Variants in FTO observed in about 807,000 individuals in gnomAD.
FTO encodes alpha-ketoglutarate-dependent dioxygenase FTO.
Under a neutral mutation model 63.9 loss-of-function variants are expected in FTO, and 47 were observed. That is an observed-to-expected ratio of 0.74 (90% CI 0.58 to 0.94). The LOEUF (loss-of-function observed/expected upper bound fraction) is 0.94, where lower values mean the gene tolerates loss of function less well. Among genes scored for constraint, FTO ranks in the 40% least tolerant of loss-of-function variants. The pLI is 0.00. For missense variants in FTO, 562 were observed against 618.1 expected, an observed-to-expected ratio of 0.91 and a Z score of 0.96; for synonymous variants, 207 against 224.4, an observed-to-expected ratio of 0.92 and a Z score of 0.69.
chr16:53,901,323 G>A (rs1037619701), intron 7 of FTO, among the ~76,000 whole-genome samples: 52 of 152,164 alleles, frequency 3.4e-4, no homozygotes, highest in Non-Finnish European at 7.2e-4. Flanking sequence ...TCTCTTCCTT[G>A]TTAGGAACCC....
chr16:54,000,643 CTA>C (rs1267954956), intron 8 of FTO, among the ~76,000 whole-genome samples: 2 of 152,168 alleles, frequency 1.3e-5, no homozygotes, highest in African/African-American at 4.8e-5. Flanking sequence ...CAAGCTGAGA[CTA>C]TGTAAATTAA....
intron 8 of FTO, among the ~76,000 whole-genome samples, chr16:54,108,824 GC>G: frequency 6.6e-6 from 1 of 152,270 alleles, no homozygotes; most frequent in South Asian, 2.1e-4. Flanking sequence ...AAGACGTCAT[GC>G]CCCTGGAGAG....
At chr16:53,794,100 G>A (rs1235458827) in intron 1 of FTO, among the ~76,000 whole-genome samples, 1 of 152,154 alleles carries the variant, frequency 6.6e-6, no homozygotes, top group East Asian at 1.9e-4. Context: ...TGAAGAACTG[G>A]GTATTATTTG....
chr16:53,845,459 C>T (rs1459201451), intron 4 of FTO, among the ~76,000 whole-genome samples: 3 of 152,164 alleles, frequency 2.0e-5, no homozygotes, highest in African/African-American at 7.2e-5. Context: ...GCCATTCTGC[C>T]ACTAAGCATT....
intron 8 of FTO, among the ~76,000 whole-genome samples, chr16:54,035,697 C>T (rs1286644080): frequency 2.6e-5 from 4 of 152,140 alleles, no homozygotes; most frequent in Non-Finnish European, 5.9e-5. Context: ...CAGCCTCCTC[C>T]GCCACTTACG....
At chr16:53,920,033 A>G (rs1291817147) in intron 7 of FTO, among the ~76,000 whole-genome samples, 1 of 152,178 alleles carries the variant, frequency 6.6e-6, no homozygotes, top group Non-Finnish European at 1.5e-5. Flanking sequence ...GGAATAAAGA[A>G]AGGCTTCATT....
At chr16:53,793,548 T>C (rs1350327439) in intron 1 of FTO, among the ~76,000 whole-genome samples, 1 of 152,232 alleles carries the variant, frequency 6.6e-6, no homozygotes, top group Non-Finnish European at 1.5e-5. Context: ...CTATGAGTTA[T>C]AGTGAAAGGT....
intron 1 of FTO, among the ~76,000 whole-genome samples, chr16:53,788,077 T>C (rs953844893): frequency 6.6e-6 from 1 of 152,196 alleles, no homozygotes; most frequent in Admixed American, 6.5e-5. Flanking sequence ...AATGGGCTTG[T>C]CTGTCCCATC....
At chr16:53,878,066 A>T (rs1472977499) in intron 5 of FTO, among the ~76,000 whole-genome samples, 1 of 152,152 alleles carries the variant, frequency 6.6e-6, no homozygotes, top group African/African-American at 2.4e-5. Flanking sequence ...TGGGAGGCTG[A>T]GGGGGGTGGA....
intron 7 of FTO, among the ~76,000 whole-genome samples, chr16:53,904,589 G>A (rs1257534482): frequency 6.6e-6 from 1 of 152,176 alleles, no homozygotes; most frequent in Admixed American, 6.5e-5. Context: ...AGTTCCACAC[G>A]GGATGTAGGT....
At chr16:53,804,632 C>CTT (rs10602540) in intron 1 of FTO, among the ~76,000 whole-genome samples, 39,594 of 129,852 alleles carry the variant, frequency 0.3, 7,329 homozygotes, top group Non-Finnish European at 0.41. Context: ...TCTTATTGAT[C>CTT]TTTTTTTTTT....
intron 4 of FTO, among the ~76,000 whole-genome samples, chr16:53,856,368 TGGGGG>T (rs146333826): frequency 0.37 from 55,251 of 150,020 alleles, 13,091 homozygotes; most frequent in East Asian, 0.75. Context: ...TTTTTTTTTT[TGGGGG>T]GGGATATTTA....
At chr16:53,881,144 A>AATAAATAAATAAATAAATAAATAC (rs2080819514) in intron 6 of FTO, among the ~76,000 whole-genome samples, 1 of 150,850 alleles carries the variant, frequency 6.6e-6, no homozygotes, top group African/African-American at 2.4e-5. Context: ...TAAATAAATA[A>AATAAATAAATAAATAAATAAATAC]ATAAATAAAA....
chr16:53,710,766 C>T (rs1338739882), intron 1 of FTO, among the ~76,000 whole-genome samples: 1 of 152,150 alleles, frequency 6.6e-6, no homozygotes, highest in Admixed American at 6.5e-5. Flanking sequence ...TCTTGAAAAA[C>T]TTAAGTATCT....
intron 1 of FTO, among the ~76,000 whole-genome samples, chr16:53,775,247 A>C (rs2077434238): frequency 1.3e-5 from 2 of 152,136 alleles, no homozygotes. Context: ...CAACTAGCTT[A>C]GTGGGCCCTC....
intron 8 of FTO, among the ~76,000 whole-genome samples, chr16:54,074,395 A>G (rs1344231647): frequency 6.6e-6 from 1 of 152,230 alleles, no homozygotes; most frequent in African/African-American, 2.4e-5. Context: ...GGGTACCACT[A>G]GGAATATTTG....
intron 8 of FTO, among the ~76,000 whole-genome samples, chr16:53,951,336 A>G (rs2082796078): frequency 6.6e-6 from 1 of 152,196 alleles, no homozygotes; most frequent in Non-Finnish European, 1.5e-5. Context: ...CTGAATGTGT[A>G]CTAAGCCAAG....
intron 8 of FTO, among the ~76,000 whole-genome samples, chr16:54,013,733 A>G (rs1377597239): frequency 6.6e-6 from 1 of 152,212 alleles, no homozygotes; most frequent in Non-Finnish European, 1.5e-5. Flanking sequence ...TTTTTTAGCA[A>G]TCGAGTATTT....
chr16:53,731,544 C>G (rs914212993), intron 1 of FTO, among the ~76,000 whole-genome samples: 3 of 152,128 alleles, frequency 2.0e-5, no homozygotes, highest in Non-Finnish European at 2.9e-5. Flanking sequence ...TCATTGTTAC[C>G]TTCTTTTTTT....
Sources: allele counts gnomAD v4.1 joint callset (sites outside exome capture counted in the v4.1 genomes callset), GRCh38; gene constraint gnomAD v4.1.1; transcripts MANE v1.5; gene names NCBI Gene and HGNC (gene_info 2026-07-23, HGNC 2026-07-21).